The following SWI5 variants were observed in gnomAD, a reference collection of about 807,000 sequenced individuals.
SWI5 encodes DNA repair protein SWI5 homolog.
SWI5 carries 12 observed loss-of-function variants against 17.0 expected under a neutral mutation model. The observed-to-expected ratio is 0.71, with a 90% CI of 0.45 to 1.14. SWI5 has a LOEUF of 1.14. SWI5 is among the 50% of genes most tolerant of loss of function. The pLI is 0.00. For missense variants in SWI5, 158 were observed against 162.2 expected (o/e 0.97, Z 0.14); for synonymous variants, 61 against 64.0 (o/e 0.95, Z 0.22).
At position 128,288,945 on chromosome 9, in the gene SWI5, G is replaced by A. The variant is rs77248613; in HGVS notation, c.*229G>A. 7.8e-3 allele frequency: 4,573 copies of A among 586,108 alleles called. 130 individuals are homozygous for A. Among genetic ancestry groups the A allele is most frequent in the African/African-American group, 0.072 (3,889 of 53,692 alleles). The allele number at this position is 586,108 out of a possible 1,614,324, so 36.3% of individuals were successfully genotyped here. On this transcript the variant is annotated 3_prime_UTR_variant, in exon 5 of 5. Coordinates refer to ENST00000418976, the Ensembl canonical transcript of SWI5. ...GAAATGTCGCAGTGATACTTGTGTA[G>A]GGGTACATGTACTTTATTTGTCAAT... is the stretch of plus-strand genomic sequence containing the variant.
chr9:128,286,802 TC>T (rs1831646983), intron 4 of SWI5, among the ~76,000 whole-genome samples: 2 of 151,710 alleles, frequency 1.3e-5, no homozygotes, highest in African/African-American at 4.8e-5. Flanking sequence ...AGCGGGGTGA[TC>T]AGGGCCCAAG....
chr9:128,278,126 T>G (rs1032614052), intron 2 of SWI5, among the ~76,000 whole-genome samples: 2 of 152,024 alleles, frequency 1.3e-5, no homozygotes, highest in Non-Finnish European at 2.9e-5. Flanking sequence ...CTAATTTTTT[T>G]GTATTTTCAG....
intron 2 of SWI5, among the ~76,000 whole-genome samples, chr9:128,280,836 C>G (rs77704737): frequency 0.17 from 25,132 of 151,800 alleles, 2,257 homozygotes; most frequent in African/African-American, 0.24. Flanking sequence ...CTTTTTCACA[C>G]CACTATCCCC....
chr9:128,287,557 CTTTTT>C, intron 4 of SWI5, among the ~76,000 whole-genome samples: 1 of 123,022 alleles, frequency 8.1e-6, no homozygotes, highest in South Asian at 2.5e-4. Context: ...TGGCCTATCC[CTTTTT>C]TTTTTTTTTT....
upstream of SWI5, chr9:128,276,201 A>G: frequency 2.5e-6 from 4 of 1,603,984 alleles, no homozygotes; most frequent in Non-Finnish European, 3.4e-6. Context: ...TGCGCACGCA[A>G]CCGCTGTCCC....
At chr9:128,276,608 C>T (rs764866999) in intron 1 of SWI5, 99 bp from the exon 2 acceptor site, 3 of 1,610,704 alleles carry the variant, frequency 1.9e-6, no homozygotes, top group South Asian at 2.2e-5. Flanking sequence ...CCCTGGCGCT[C>T]CTACTTCCCA....
At chr9:128,276,082 G>A, upstream of SWI5, 1 of 1,572,774 alleles carries the variant, frequency 6.4e-7, no homozygotes, top group Non-Finnish European at 8.6e-7. Context: ...CAGAATGGGG[G>A]CGTGGCCTCA....
At chr9:128,283,296 T>TG (rs1831574647) in intron 2 of SWI5, among the ~76,000 whole-genome samples, 1 of 151,926 alleles carries the variant, frequency 6.6e-6, no homozygotes. Context: ...CACTCCAGCC[T>TG]GGACAACAAG....
chr9:128,275,935 C>G (rs375897790), upstream of SWI5: 3 of 1,593,734 alleles, frequency 1.9e-6, no homozygotes, highest in Non-Finnish European at 2.6e-6. Context: ...GGGTTTCTTC[C>G]GACATCGCGG....
At chr9:128,286,252 G>A in intron 4 of SWI5, 3 of 520,834 alleles carry the variant, frequency 5.8e-6, no homozygotes, top group South Asian at 2.5e-5. Flanking sequence ...TGGAGCCGCA[G>A]CCAGGTTTGA....
At chr9:128,288,599 ACTCC>A in intron 4 of SWI5, 49 bp from the exon 5 acceptor site, 1 of 1,598,180 alleles carries the variant, frequency 6.3e-7, no homozygotes. Context: ...CATTGGCTGT[ACTCC>A]CTCCCACCTC....
At chr9:128,275,570 T>C (rs1831278100), upstream of SWI5, 12 of 1,126,506 alleles carry the variant, frequency 1.1e-5, no homozygotes, top group African/African-American at 3.4e-5. Flanking sequence ...AGGGGCTGAA[T>C]TGCTGGGGTC....
intron 1 of SWI5, 129 bp from the exon 2 acceptor site, chr9:128,276,578 C>G: frequency 2.5e-6 from 4 of 1,598,984 alleles, no homozygotes; most frequent in Non-Finnish European, 3.4e-6. Context: ...GTGTCTGCCC[C>G]CTTTCCAGAT....
chr9:128,279,932 C>G (rs961907275), intron 2 of SWI5, among the ~76,000 whole-genome samples: 9 of 152,190 alleles, frequency 5.9e-5, no homozygotes, highest in Admixed American at 3.9e-4. Context: ...TTCTAGGTCA[C>G]TTCTCACAAT....
intron 2 of SWI5, among the ~76,000 whole-genome samples, chr9:128,284,302 A>G (rs1831594500): frequency 6.6e-6 from 1 of 151,712 alleles, no homozygotes; most frequent in African/African-American, 2.4e-5. Flanking sequence ...AAAAAAAAAA[A>G]AAAAAATCCC....
intron 2 of SWI5, among the ~76,000 whole-genome samples, chr9:128,283,234 AT>A (rs2131421032): frequency 6.6e-6 from 1 of 152,338 alleles, no homozygotes; most frequent in East Asian, 1.9e-4. Context: ...AGGCAGGAGA[AT>A]TGCTTGAACC....
chr9:128,278,673 C>T (rs2131415836), intron 2 of SWI5: 1 of 471,802 alleles, frequency 2.1e-6, no homozygotes, highest in South Asian at 1.5e-5. Context: ...TTACTGTCCC[C>T]ATGTTGAGGT....
intron 2 of SWI5, chr9:128,278,564 A>C: frequency 6.9e-6 from 1 of 145,438 alleles, no homozygotes; most frequent in South Asian, 1.4e-4. Flanking sequence ...ACTCCATCTC[A>C]AAAAAAAAAA....
exon 1 of SWI5, chr9:128,276,282 C>T: frequency 1.2e-6 from 2 of 1,612,826 alleles, no homozygotes; most frequent in Non-Finnish European, 1.7e-6. Flanking sequence ...CGCCAGTTCA[C>T]ACTCCGGGTC....
Sources: gnomAD v4.1 joint callset for allele counts (sites outside exome capture counted in the v4.1 genomes callset) on GRCh38, gnomAD v4.1.1 for gene constraint, MANE v1.5 for transcripts, NCBI Gene and HGNC (gene_info 2026-07-23, HGNC 2026-07-21) for gene names.